The following BIRC6 variants were observed in gnomAD, a reference collection of about 807,000 sequenced individuals.
The protein encoded by BIRC6 is baculoviral IAP repeat containing 6.
A neutral mutation model predicts 503.3 loss-of-function variants in BIRC6; 98 were observed. The observed-to-expected ratio is 0.19, with a 90% CI of 0.17 to 0.23. The LOEUF is 0.23. BIRC6 is among the 10% of genes least tolerant of loss of function. The pLI is 1.00. For missense variants in BIRC6, 5,360 were observed against 5,806.0 expected, an observed-to-expected ratio of 0.92 and a Z score of 2.50; for synonymous variants, 2,240 against 2,078.7, an observed-to-expected ratio of 1.08 and a Z score of -2.11.
rs527875683 is a variant in BIRC6, at chr2:32,562,585, T to C, written c.13145-12571T>C. ...AAGAGTTTACTGCCCTAAGAAATTC[T>C]ATTAATCCTGCATCCCTTCCTAATC... On this transcript the variant is annotated intron_variant, in intron 65 of 73. Transcript: ENST00000421745. Among the ~76,000 whole-genome samples, 7 of 152,358 alleles carry C rather than the reference T, an allele frequency of 4.6e-5. 1 individual carries two copies. The South Asian group carries it at 1.2e-3, about 27-fold the overall frequency.
At chr2:32,585,004 C>G (rs1389414773) in intron 66 of BIRC6, among the ~76,000 whole-genome samples, 2 of 152,118 alleles carry the variant, frequency 1.3e-5, no homozygotes, top group African/African-American at 4.8e-5. Flanking sequence ...TCCCCAAAGC[C>G]TTAGATTCTG....
In BIRC6 at chr2:32,446,738, G is replaced by GTTTTT. The variant is rs58232090; in HGVS notation, c.4484+1099_4484+1103dup. On this transcript the variant is annotated intron_variant, in intron 21 of 73. Transcript: ENST00000421745. ...TCTAGTCAGCATCTCCCTCTGCGCT[G>GTTTTT]TTTTTTTTTTTTTTTTTTTTTTTTT... Among the ~76,000 whole-genome samples the GTTTTT allele has an allele frequency of 5.6e-3, 197 of 34,870 alleles. 8 individuals are homozygous for GTTTTT. The highest frequency in any genetic ancestry group is 0.012 in the East Asian group (9 of 738). 22.9% of individuals were successfully genotyped at this position (34,870 alleles called of 152,430 possible).
chr2:32,568,984 C>CT (rs1316517122), intron 65 of BIRC6, among the ~76,000 whole-genome samples: 9 of 144,796 alleles, frequency 6.2e-5, no homozygotes, highest in African/African-American at 1.8e-4. Flanking sequence ...ATGTCTCTCT[C>CT]TTTTTTTTTT....
intron 22 of BIRC6, 149 bp from the exon 23 acceptor site, chr2:32,453,659 T>C: frequency 1.4e-6 from 1 of 725,154 alleles, no homozygotes. Context: ...TCAGTTTTCT[T>C]AATACCATGC....
At chr2:32,413,701 A>G (rs76725403) in intron 9 of BIRC6, among the ~76,000 whole-genome samples, 1 of 134,074 alleles carries the variant, frequency 7.5e-6, no homozygotes, top group African/African-American at 3.1e-5. Context: ...ATGTCTTAAG[A>G]AAAAAAAAAA....
intron 30 of BIRC6, 109 bp downstream of exon 30, chr2:32,469,723 A>G: frequency 1.0e-6 from 1 of 987,080 alleles, no homozygotes; most frequent in Non-Finnish European, 1.5e-6. Context: ...GTGAATATGA[A>G]GCAGATCTCA....
chr2:32,480,137 C>T (rs889096760), intron 37 of BIRC6, among the ~76,000 whole-genome samples: 7 of 152,146 alleles, frequency 4.6e-5, no homozygotes, highest in Non-Finnish European at 1.0e-4. Flanking sequence ...CTTATGTTTG[C>T]TCATGATTTT....
At chr2:32,530,029 T>C (rs981947231) in intron 60 of BIRC6, among the ~76,000 whole-genome samples, 4 of 152,200 alleles carry the variant, frequency 2.6e-5, no homozygotes, top group Admixed American at 2.6e-4. Flanking sequence ...ATCATTTGTT[T>C]TATGAGCGCA....
At chr2:32,582,058 C>T (rs1051384619) in intron 66 of BIRC6, among the ~76,000 whole-genome samples, 11 of 152,038 alleles carry the variant, frequency 7.2e-5, no homozygotes, top group Non-Finnish European at 1.5e-4. Context: ...GGGGTTTCAC[C>T]GTGTTGGCCA....
intron 9 of BIRC6, among the ~76,000 whole-genome samples, chr2:32,413,795 C>T (rs1415116056): frequency 6.6e-6 from 1 of 151,950 alleles, no homozygotes; most frequent in African/African-American, 2.4e-5. Context: ...GCTCAAGTCC[C>T]TTGTATAAAA....
chr2:32,605,995 C>G (rs1242045267), intron 71 of BIRC6, among the ~76,000 whole-genome samples: 1 of 152,140 alleles, frequency 6.6e-6, no homozygotes, highest in Non-Finnish European at 1.5e-5. Context: ...CTTTCGAGTA[C>G]TCATTTTTAA....
intron 57 of BIRC6, among the ~76,000 whole-genome samples, chr2:32,523,771 G>A (rs909868708): frequency 5.3e-5 from 8 of 152,138 alleles, no homozygotes; most frequent in Non-Finnish European, 7.4e-5. Flanking sequence ...AAAGAGAATT[G>A]AGCTAGATGC....
chr2:32,573,324 A>G (rs928721609), intron 65 of BIRC6, among the ~76,000 whole-genome samples: 1 of 152,078 alleles, frequency 6.6e-6, no homozygotes, highest in Non-Finnish European at 1.5e-5. Flanking sequence ...CAGTCTCCTG[A>G]GTAGCTGGGA....
At chr2:32,582,206 T>C (rs1453374881) in intron 66 of BIRC6, among the ~76,000 whole-genome samples, 1 of 152,146 alleles carries the variant, frequency 6.6e-6, no homozygotes, top group Non-Finnish European at 1.5e-5. Flanking sequence ...GATGTATCAT[T>C]GAATTTTTAA....
At chr2:32,524,849 T>G in intron 57 of BIRC6, 39 bp from the exon 58 acceptor site, 1 of 1,256,908 alleles carries the variant, frequency 8.0e-7, no homozygotes, top group Non-Finnish European at 1.0e-6. Context: ...TCTTAATGAT[T>G]TGGAAAAGCA....
rs558962026 is a variant in BIRC6 at position 32,381,909 on chromosome 2, GTTC to G, written c.645+1625_645+1627del. Among the ~76,000 whole-genome samples, 30 of 151,828 alleles carry G rather than the reference GTTC, an allele frequency of 2.0e-4. No homozygotes were observed. The East Asian group carries it at 5.6e-3, about 28-fold the overall frequency. ...TCTCATATCCTCAGAGATCATCTATGTTCTTCTTAGTAGTTGCATTGAATTTTT... is the reference window on the plus strand; with the variant it reads ...TCTCATATCCTCAGAGATCATCTATGTTCTTAGTAGTTGCATTGAATTTTT... On this transcript the variant is annotated intron_variant, in intron 3 of 73. Coordinates refer to ENST00000421745, the MANE Select transcript of BIRC6 (RefSeq NM_016252.4).
chr2:32,522,721 T>C (rs1038540359), intron 57 of BIRC6: 1 of 152,174 alleles, frequency 6.6e-6, no homozygotes, highest in African/African-American at 2.4e-5. Context: ...AAGCATTTTA[T>C]TCCCTGAAAC....
intron 3 of BIRC6, among the ~76,000 whole-genome samples, chr2:32,386,389 C>G (rs2149485124): frequency 6.6e-6 from 1 of 152,088 alleles, no homozygotes; most frequent in South Asian, 2.1e-4. Flanking sequence ...TTACAACAGT[C>G]CAGTAAAGGG....
At chr2:32,408,779 G>A (rs1313560874) in intron 9 of BIRC6, among the ~76,000 whole-genome samples, 1 of 152,178 alleles carries the variant, frequency 6.6e-6, no homozygotes, top group Non-Finnish European at 1.5e-5. Context: ...ATTTAGGGGT[G>A]TAAAAATTGT....
Sources: gnomAD v4.1 joint callset for allele counts (sites outside exome capture counted in the v4.1 genomes callset) on GRCh38, gnomAD v4.1.1 for gene constraint, MANE v1.5 for transcripts, NCBI Gene and HGNC (gene_info 2026-07-23, HGNC 2026-07-21) for gene names.